LRRC7: variants seen among roughly 807,000 people sequenced by gnomAD.
LRRC7 encodes the protein leucine rich repeat containing 7, also known as leucine-rich repeat-containing protein 7.
LRRC7 carries 23 observed loss-of-function variants against 175.7 expected under a neutral mutation model. The observed-to-expected ratio is 0.13, with a 90% CI of 0.09 to 0.19. The LOEUF (loss-of-function observed/expected upper bound fraction) is 0.19. Ranked by LOEUF, LRRC7 falls within the 10% of genes least tolerant of loss-of-function variation. The pLI is 1.00. For synonymous variants in LRRC7, 685 were observed against 680.9 expected, an observed-to-expected ratio of 1.01 and a Z score of -0.09; for missense variants, 1,354 against 1,904.7, an observed-to-expected ratio of 0.71 and a Z score of 5.38.
intron 7 of LRRC7, among the ~76,000 whole-genome samples, chr1:69,867,922 A>G (rs1358616975): frequency 6.6e-6 from 1 of 152,156 alleles, no homozygotes; most frequent in East Asian, 1.9e-4. Flanking sequence ...AATTCCATAA[A>G]ATTAAATTAA....
intron 7 of LRRC7, 40 bp from the exon 8 acceptor site, chr1:69,931,467 T>C (rs375261750): frequency 3.9e-5 from 60 of 1,528,898 alleles, no homozygotes; most frequent in Admixed American, 1.7e-5. Context: ...CAATGTATCA[T>C]GCACTACCTC....
chr1:69,916,142 T>TATATTATATACATATTTTATATATA (rs1646696897), intron 7 of LRRC7, among the ~76,000 whole-genome samples: 3 of 9,356 alleles, frequency 3.2e-4, no homozygotes, highest in African/African-American at 1.7e-3. Context: ...ATATATATAA[T>TATATTATATACATATTTTATATATA]ATATATATTA....
Position 70,134,289 on chromosome 1 carries a change from C to A in LRRC7, c.*12402C>A, listed in dbSNP as rs140159832. Among the ~76,000 whole-genome samples the A allele has an allele frequency of 2.0e-5, 3 of 152,338 alleles. No homozygotes were observed. The East Asian group carries it at 5.8e-4, about 29-fold the overall frequency. On this transcript the variant is annotated 3_prime_UTR_variant, in exon 27 of 27. Coordinates refer to ENST00000651989, the MANE Select transcript of LRRC7 (RefSeq NM_001370785.2). ...GGTGCTGAAGGCAGAGAACCCCTGG[C>A]GGCCTTGGTGACATGTGTCCTCAAG...
At chr1:69,764,245 A>C (rs891082592) in intron 3 of LRRC7, among the ~76,000 whole-genome samples, 1 of 151,988 alleles carries the variant, frequency 6.6e-6, no homozygotes, top group Non-Finnish European at 1.5e-5. Context: ...ACTTAAAATT[A>C]TAGACAGAGT....
At chr1:69,578,502 T>C (rs1557660401) in intron 1 of LRRC7, among the ~76,000 whole-genome samples, 1 of 147,194 alleles carries the variant, frequency 6.8e-6, no homozygotes. Context: ...CGTATGTTTA[T>C]TGCGGCACTA....
intron 4 of LRRC7, among the ~76,000 whole-genome samples, chr1:69,818,333 T>C (rs1224617976): frequency 6.6e-6 from 1 of 152,132 alleles, no homozygotes; most frequent in African/African-American, 2.4e-5. Context: ...GATGTTGGAT[T>C]TTGTTCAATG....
chr1:69,973,447 A>G (rs1184241760), intron 8 of LRRC7, among the ~76,000 whole-genome samples: 1 of 152,198 alleles, frequency 6.6e-6, no homozygotes, highest in Non-Finnish European at 1.5e-5. Context: ...AAAAAATTTT[A>G]ATAAAAAAAT....
At chr1:69,635,426 A>G (rs972527829) in intron 1 of LRRC7, among the ~76,000 whole-genome samples, 1 of 152,134 alleles carries the variant, frequency 6.6e-6, no homozygotes. Flanking sequence ...TGAATTTAAA[A>G]GGATAATGCA....
chr1:69,596,008 A>C (rs1342443574), intron 1 of LRRC7, among the ~76,000 whole-genome samples: 1 of 108,850 alleles, frequency 9.2e-6, no homozygotes, highest in Non-Finnish European at 2.2e-5. Context: ...TGAGAATTTA[A>C]TTACTTTTTA....
intron 25 of LRRC7, among the ~76,000 whole-genome samples, chr1:70,104,143 G>A (rs1402642025): frequency 6.6e-6 from 1 of 152,208 alleles, no homozygotes; most frequent in Non-Finnish European, 1.5e-5. Context: ...TCACCAAACA[G>A]TAGGAAGTTA....
At chr1:69,656,859 A>G (rs1656669768) in intron 1 of LRRC7, among the ~76,000 whole-genome samples, 1 of 151,962 alleles carries the variant, frequency 6.6e-6, no homozygotes, top group Non-Finnish European at 1.5e-5. Flanking sequence ...AACAATAACA[A>G]TAGTAGAAAT....
intron 4 of LRRC7, among the ~76,000 whole-genome samples, chr1:69,824,860 G>T (rs1679719571): frequency 6.6e-6 from 1 of 152,128 alleles, no homozygotes; most frequent in African/African-American, 2.4e-5. Context: ...GAGAGAAAGT[G>T]GTACTGCAGG....
At chr1:70,098,270 A>C (rs1664558295) in intron 25 of LRRC7, among the ~76,000 whole-genome samples, 1 of 152,268 alleles carries the variant, frequency 6.6e-6, no homozygotes, top group South Asian at 2.1e-4. Flanking sequence ...CTTTGAAACC[A>C]ACGAGAACAA....
chr1:70,017,035 T>C (rs555910901), intron 14 of LRRC7, among the ~76,000 whole-genome samples: 1 of 152,230 alleles, frequency 6.6e-6, no homozygotes, highest in East Asian at 1.9e-4. Flanking sequence ...CCCAACACTT[T>C]GGGAGGCCGA....
chr1:70,032,945 T>A (rs762365692), intron 18 of LRRC7, among the ~76,000 whole-genome samples: 1 of 152,226 alleles, frequency 6.6e-6, no homozygotes, highest in Non-Finnish European at 1.5e-5. Context: ...CACTAAATTC[T>A]GTTTTCTACC....
chr1:69,785,349 T>C (rs915559904), intron 3 of LRRC7, among the ~76,000 whole-genome samples: 1 of 152,150 alleles, frequency 6.6e-6, no homozygotes, highest in African/African-American at 2.4e-5. Context: ...AACTTTCTTT[T>C]AGTTAATTTT....
At chr1:69,789,286 A>G (rs1161581531) in intron 3 of LRRC7, among the ~76,000 whole-genome samples, 2 of 152,100 alleles carry the variant, frequency 1.3e-5, no homozygotes, top group East Asian at 3.8e-4. Context: ...TTGTTTTTGA[A>G]ATGTAAAATA....
In LRRC7 at chr1:70,039,643, T is replaced by C; in HGVS notation, c.3819T>C (p.Tyr1273=). 1 of 1,614,104 alleles carries C rather than the reference T, an allele frequency of 6.2e-7. No individual in the cohort carries two copies. Among genetic ancestry groups the C allele is most frequent in the Non-Finnish European group, 8.5e-7 (1 of 1,180,014 alleles). The change falls in exon 21 of 27, where the codon TAT becomes TAC. Residue 1273 remains tyrosine (Y), a synonymous_variant. Coordinates refer to ENST00000651989, the MANE Select transcript of LRRC7 (RefSeq NM_001370785.2). Reference sequence around the variant, plus strand: ...TTTTGGAAAAAATACCATCTGACTATAACTTGGGTAACTATGGTGACAAGC... The same window carrying C: ...TTTTGGAAAAAATACCATCTGACTACAACTTGGGTAACTATGGTGACAAGC... ...AALLEKIPSD[Y]NLGNYGDKPS... is the part of the protein sequence containing the mutation.
At chr1:70,054,354 A>T (rs186233653) in intron 23 of LRRC7, among the ~76,000 whole-genome samples, 1 of 152,194 alleles carries the variant, frequency 6.6e-6, no homozygotes, top group African/African-American at 2.4e-5. Flanking sequence ...AATGGCATAC[A>T]TATGTAATAC....
Sources: gnomAD v4.1 joint callset for allele counts (sites outside exome capture counted in the v4.1 genomes callset) on GRCh38, gnomAD v4.1.1 for gene constraint, MANE v1.5 for transcripts, NCBI Gene and HGNC (gene_info 2026-07-23, HGNC 2026-07-21) for gene names.